Variants in EPHA7 observed in about 807,000 individuals in gnomAD.
The protein encoded by EPHA7 is EPH receptor A7.
A neutral mutation model predicts 112.6 loss-of-function variants in EPHA7; 25 were observed. That is an observed-to-expected ratio of 0.22 (90% CI 0.16 to 0.31). EPHA7 has a LOEUF of 0.31. Among genes scored for constraint, EPHA7 ranks in the 10% least tolerant of loss-of-function variants. The pLI, the probability that EPHA7 is intolerant of heterozygous loss-of-function variation, is 1.00. For missense variants in EPHA7, 962 were observed against 1,212.6 expected, an observed-to-expected ratio of 0.79 and a Z score of 3.07; for synonymous variants, 437 against 406.5, an observed-to-expected ratio of 1.07 and a Z score of -0.90.
At chr6:93,305,325 CAA>C (rs201375496) in intron 5 of EPHA7, among the ~76,000 whole-genome samples, 3 of 138,302 alleles carry the variant, frequency 2.2e-5, no homozygotes, top group Admixed American at 7.2e-5. Context: ...AGTAAAAGTC[CAA>C]AAAAAAAAAG....
At chr6:93,295,164 A>C (rs1397247657) in intron 5 of EPHA7, among the ~76,000 whole-genome samples, 1 of 151,916 alleles carries the variant, frequency 6.6e-6, no homozygotes, top group African/African-American at 2.4e-5. Flanking sequence ...GTACACTAGA[A>C]TTTCAGTAGT....
intron 3 of EPHA7, among the ~76,000 whole-genome samples, chr6:93,361,026 T>C (rs1393970458): frequency 3.9e-5 from 6 of 152,064 alleles, no homozygotes; most frequent in Admixed American, 3.9e-4. Flanking sequence ...TACTTTAACT[T>C]AGAAAGCTAT....
At chr6:93,247,022 T>C in intron 14 of EPHA7, 37 bp from the exon 15 acceptor site, 1 of 1,503,156 alleles carries the variant, frequency 6.7e-7, no homozygotes, top group Non-Finnish European at 9.0e-7. Flanking sequence ...ATTACTGATT[T>C]AGGTTCAATT....
At chr6:93,315,355 G>T (rs1361212080) in intron 5 of EPHA7, among the ~76,000 whole-genome samples, 1 of 152,078 alleles carries the variant, frequency 6.6e-6, no homozygotes, top group Non-Finnish European at 1.5e-5. Flanking sequence ...AGATCTCAAA[G>T]ATTCAAATTA....
chr6:93,326,143 G>T (rs551748187), intron 5 of EPHA7, among the ~76,000 whole-genome samples: 1 of 151,298 alleles, frequency 6.6e-6, no homozygotes, highest in Non-Finnish European at 1.5e-5. Flanking sequence ...GAATTATGCC[G>T]TGGTAATAGT....
At chr6:93,295,443 T>C (rs543006888) in intron 5 of EPHA7, among the ~76,000 whole-genome samples, 1 of 151,898 alleles carries the variant, frequency 6.6e-6, no homozygotes, top group Admixed American at 6.6e-5. Flanking sequence ...ATTAGATTGC[T>C]TGTCTCTGTC....
rs185662911 is a variant in EPHA7, at chr6:93,328,051, C to A, written c.1324+28666G>T. 8.7e-4 allele frequency among the ~76,000 whole-genome samples: 132 copies of A among 151,530 alleles called. 1 individual carries two copies. The highest frequency in any genetic ancestry group is 3.0e-3 in the African/African-American group (126 of 41,436). ...CTTCACACCAGATACACTTATCTCC[C>A]CCACTGAACATGCTAAACATGCTCT... is the stretch of plus-strand genomic sequence containing the variant. On this transcript the variant is annotated intron_variant, in intron 5 of 16. Coordinates refer to ENST00000369303, the MANE Select transcript of EPHA7 (RefSeq NM_004440.4).
intron 5 of EPHA7, among the ~76,000 whole-genome samples, chr6:93,295,238 T>G (rs1232043928): frequency 3.3e-5 from 5 of 152,046 alleles, no homozygotes; most frequent in Non-Finnish European, 5.9e-5. Context: ...ATATCTGCAG[T>G]TCAACCAGCC....
In EPHA7 at chr6:93,360,500, G is replaced by GC. The variant is rs1202016304; in HGVS notation, c.833-2090dup. On this transcript the variant is annotated intron_variant, in intron 3 of 16. Transcript: ENST00000369303. ...GTGTGTATGTTTACTGTTTTACAGG[G>GC]CAAGGAGGTTATGGGGGGACAATGG... is the stretch of plus-strand genomic sequence containing the variant. Among the ~76,000 whole-genome samples, 5 of 152,152 alleles carry GC rather than the reference G, an allele frequency of 3.3e-5. No individual in the cohort carries two copies. In the East Asian group the frequency reaches 9.7e-4, roughly 29 times the overall value.
chr6:93,394,191 C>A (rs555641863), intron 3 of EPHA7, among the ~76,000 whole-genome samples: 3 of 151,862 alleles, frequency 2.0e-5, no homozygotes, highest in Middle Eastern at 6.8e-3. Context: ...TCTTTGTTAT[C>A]GTACTACTTC....
intron 14 of EPHA7, among the ~76,000 whole-genome samples, chr6:93,253,099 G>A (rs374322389): frequency 1.3e-5 from 2 of 151,988 alleles, no homozygotes; most frequent in East Asian, 1.9e-4. Context: ...CAGAAGGAAG[G>A]TGTCAAAAGA....
chr6:93,260,939 C>G (rs1770660355), intron 9 of EPHA7, among the ~76,000 whole-genome samples: 1 of 151,554 alleles, frequency 6.6e-6, no homozygotes, highest in Non-Finnish European at 1.5e-5. Context: ...GAGAATGAGC[C>G]ATCTTCTCCC....
intron 5 of EPHA7, among the ~76,000 whole-genome samples, chr6:93,273,182 A>G (rs1562060144): frequency 6.6e-6 from 1 of 151,914 alleles, no homozygotes; most frequent in Non-Finnish European, 1.5e-5. Flanking sequence ...TTAGTGACAT[A>G]TACTCTTTTT....
In EPHA7 at chr6:93,388,983, T is replaced by C. The variant is rs1777769788; in HGVS notation, c.832+21518A>G. Among the ~76,000 whole-genome samples, 8 of 152,006 alleles carry C rather than the reference T, an allele frequency of 5.3e-5. No homozygotes were observed. In the South Asian group the frequency reaches 1.7e-3, roughly 31 times the overall value. On this transcript the variant is annotated intron_variant, in intron 3 of 16. Transcript: ENST00000369303. Reference sequence around the variant, plus strand: ...GGGAGCAAGATCAAATGCACACAAATAAATTAGGAGGCTACTGACACTCTG... The same window carrying C: ...GGGAGCAAGATCAAATGCACACAAACAAATTAGGAGGCTACTGACACTCTG...
intron 5 of EPHA7, among the ~76,000 whole-genome samples, chr6:93,327,364 C>T (rs1395239318): frequency 2.6e-5 from 4 of 151,574 alleles, no homozygotes; most frequent in Non-Finnish European, 1.5e-5. Context: ...ACTCACACCT[C>T]AACCCTGGTT....
intron 9 of EPHA7, among the ~76,000 whole-genome samples, chr6:93,263,076 T>C (rs1465027567): frequency 6.6e-6 from 1 of 151,374 alleles, no homozygotes; most frequent in Non-Finnish European, 1.5e-5. Flanking sequence ...AATTGGTTTT[T>C]AATATTCTTA....
At chr6:93,260,710 C>T in intron 9 of EPHA7, 1 of 978,902 alleles carries the variant, frequency 1.0e-6, no homozygotes, top group Non-Finnish European at 1.2e-6. Flanking sequence ...ATTGTTTATC[C>T]AAAATTGATT....
intron 5 of EPHA7, among the ~76,000 whole-genome samples, chr6:93,349,239 CTATA>C (rs925376646): frequency 1.3e-4 from 19 of 151,462 alleles, no homozygotes; most frequent in African/African-American, 4.6e-4. Flanking sequence ...GTAAATGTAT[CTATA>C]TATATATGTT....
intron 4 of EPHA7, among the ~76,000 whole-genome samples, chr6:93,357,498 TG>T: frequency 6.6e-6 from 1 of 152,174 alleles, no homozygotes; most frequent in Non-Finnish European, 1.5e-5. Context: ...TGCCTGAGAT[TG>T]GCTTTGGATT....
Sources: allele counts gnomAD v4.1 joint callset (sites outside exome capture counted in the v4.1 genomes callset), GRCh38; gene constraint gnomAD v4.1.1; transcripts MANE v1.5; gene names NCBI Gene and HGNC (gene_info 2026-07-23, HGNC 2026-07-21).